Variants in RANBP2 observed in about 807,000 individuals in gnomAD.
RANBP2 encodes the protein E3 SUMO-protein ligase RanBP2.
Under a neutral mutation model 303.6 loss-of-function variants are expected in RANBP2, and 57 were observed. That is an observed-to-expected ratio of 0.19 (90% CI 0.15 to 0.23). The LOEUF (loss-of-function observed/expected upper bound fraction) is 0.23. Ranked by LOEUF, RANBP2 falls within the 10% of genes least tolerant of loss-of-function variation. The pLI, the probability that RANBP2 is intolerant of heterozygous loss-of-function variation, is 1.00. For synonymous variants in RANBP2, 1,167 were observed against 1,301.5 expected, an observed-to-expected ratio of 0.90 and a Z score of 2.23; for missense variants, 3,138 against 3,780.8, an observed-to-expected ratio of 0.83 and a Z score of 4.46.
the RANBP2 span, among the ~76,000 whole-genome samples, chr2:108,815,660 C>A: frequency 1.3e-5 from 2 of 151,626 alleles, no homozygotes; most frequent in Non-Finnish European, 2.9e-5. Context: ...ACAGGTTTTG[C>A]CATGTTGGAC....
intron 8 of RANBP2, among the ~76,000 whole-genome samples, chr2:108,748,250 C>T (rs1425718785): frequency 4.0e-5 from 6 of 151,562 alleles, no homozygotes; most frequent in Non-Finnish European, 8.8e-5. Flanking sequence ...CTCTGTCGCC[C>T]GGGCTGGAGT....
At chr2:108,858,855 A>AT in the RANBP2 span, among the ~76,000 whole-genome samples, 2 of 152,010 alleles carry the variant, frequency 1.3e-5, no homozygotes, top group Non-Finnish European at 2.9e-5. Context: ...TTATTTCATT[A>AT]TTTTTTATGG....
chr2:109,330,416 T>C, the RANBP2 span, among the ~76,000 whole-genome samples: 2 of 152,256 alleles, frequency 1.3e-5, no homozygotes, highest in East Asian at 3.8e-4. Flanking sequence ...TCCTGTTGAT[T>C]ATTCCTTAGT....
chr2:108,932,136 C>T, the RANBP2 span, among the ~76,000 whole-genome samples: 1 of 152,334 alleles, frequency 6.6e-6, no homozygotes, highest in East Asian at 1.9e-4. Flanking sequence ...TGCACAGGAA[C>T]CTTCCCTCCC....
the RANBP2 span, chr2:109,618,356 A>G: frequency 6.0e-6 from 1 of 167,074 alleles, no homozygotes; most frequent in Non-Finnish European, 1.5e-5. Flanking sequence ...GTCAACAGTC[A>G]GTATTATCTC....
chr2:109,681,449 A>T, the RANBP2 span, among the ~76,000 whole-genome samples: 2 of 152,236 alleles, frequency 1.3e-5, no homozygotes, highest in East Asian at 3.8e-4. Context: ...CAGGATTATG[A>T]AGATATCTTT....
At chr2:108,986,589 A>G in the RANBP2 span, among the ~76,000 whole-genome samples, 1 of 152,166 alleles carries the variant, frequency 6.6e-6, no homozygotes. Flanking sequence ...TCCCATAATC[A>G]TTATGAGCTG....
the RANBP2 span, among the ~76,000 whole-genome samples, chr2:109,250,888 A>G: frequency 0.064 from 9,729 of 152,210 alleles, 558 homozygotes; most frequent in East Asian, 0.32. Context: ...CCTGGAGTAA[A>G]TCCAAAAAAG....
chr2:108,814,394 T>C, the RANBP2 span, among the ~76,000 whole-genome samples: 1 of 152,210 alleles, frequency 6.6e-6, no homozygotes, highest in South Asian at 2.1e-4. Context: ...ATTGAGAAAA[T>C]TGGAGTAAAT....
the RANBP2 span, among the ~76,000 whole-genome samples, chr2:109,133,443 G>A: frequency 6.6e-6 from 1 of 152,166 alleles, no homozygotes; most frequent in Non-Finnish European, 1.5e-5. Context: ...GCATACACGT[G>A]TATGATTCTT....
At chr2:109,551,860 A>G in the RANBP2 span, among the ~76,000 whole-genome samples, 1 of 152,240 alleles carries the variant, frequency 6.6e-6, no homozygotes, top group Non-Finnish European at 1.5e-5. Context: ...CTGCTTCAGA[A>G]CTAGAAGCAA....
the RANBP2 span, among the ~76,000 whole-genome samples, chr2:109,480,591 C>G: frequency 1.3e-5 from 2 of 152,300 alleles, no homozygotes; most frequent in South Asian, 4.1e-4. Context: ...TAGAGGTCAT[C>G]CCGAGCAGCC....
the RANBP2 span, among the ~76,000 whole-genome samples, chr2:109,483,129 A>G: frequency 6.6e-6 from 1 of 152,310 alleles, no homozygotes; most frequent in East Asian, 1.9e-4. Context: ...TGTTCTCAGC[A>G]TAACCAGAGA....
chr2:109,113,665 C>A, the RANBP2 span, among the ~76,000 whole-genome samples: 1 of 152,200 alleles, frequency 6.6e-6, no homozygotes, highest in African/African-American at 2.4e-5. Flanking sequence ...GAACTTCCAA[C>A]ACTATGTTGA....
the RANBP2 span, among the ~76,000 whole-genome samples, chr2:109,160,748 G>A: frequency 6.6e-6 from 1 of 152,196 alleles, no homozygotes; most frequent in Non-Finnish European, 1.5e-5. Flanking sequence ...TGGTCTGGAA[G>A]GGTTTGGGGA....
the RANBP2 span, among the ~76,000 whole-genome samples, chr2:108,820,571 A>G: frequency 1.3e-5 from 2 of 152,272 alleles, no homozygotes; most frequent in East Asian, 3.9e-4. Flanking sequence ...TAAAATACAA[A>G]GAGAATCTTT....
chr2:109,623,205 G>A, the RANBP2 span, among the ~76,000 whole-genome samples: 2 of 152,154 alleles, frequency 1.3e-5, no homozygotes, highest in Admixed American at 1.3e-4. Context: ...TGTTCTATCG[G>A]AATCTATTAC....
chr2:108,884,310 A>G, the RANBP2 span: 1 of 152,206 alleles, frequency 6.6e-6, no homozygotes. Flanking sequence ...ATGTCAAAGA[A>G]AACAGGTAGA....
chr2:109,142,005 C>A, the RANBP2 span, among the ~76,000 whole-genome samples: 1 of 151,776 alleles, frequency 6.6e-6, no homozygotes, highest in Non-Finnish European at 1.5e-5. Flanking sequence ...CATTTCCAGC[C>A]CCCTGCCCAA....
Sources: gnomAD v4.1 joint callset for allele counts (sites outside exome capture counted in the v4.1 genomes callset) on GRCh38, gnomAD v4.1.1 for gene constraint, MANE v1.5 for transcripts, NCBI Gene and HGNC (gene_info 2026-07-23, HGNC 2026-07-21) for gene names.